Variants in EXOC4 observed in about 807,000 individuals in gnomAD.
EXOC4 encodes the protein exocyst complex component 4, also known as SEC8-like 1.
Under a neutral mutation model 107.2 loss-of-function variants are expected in EXOC4, and 71 were observed. The observed-to-expected ratio is 0.66, with a 90% CI of 0.55 to 0.81. The LOEUF (loss-of-function observed/expected upper bound fraction) is 0.81, where lower values mean the gene tolerates loss of function less well. EXOC4 is among the 30% of genes least tolerant of loss of function. The pLI is 0.00. For synonymous variants in EXOC4, 456 were observed against 441.2 expected, an observed-to-expected ratio of 1.03 and a Z score of -0.42; for missense variants, 1,108 against 1,189.6, an observed-to-expected ratio of 0.93 and a Z score of 1.01.
At chr7:134,030,923 A>G (rs148117931) in intron 17 of EXOC4, among the ~76,000 whole-genome samples, 2,237 of 152,146 alleles carry the variant, frequency 0.015, 31 homozygotes, top group Non-Finnish European at 0.019. Flanking sequence ...TATAACTTTT[A>G]TAACTTTTGC....
intron 13 of EXOC4, among the ~76,000 whole-genome samples, chr7:133,925,504 T>C (rs1388549926): frequency 6.6e-6 from 1 of 152,076 alleles, no homozygotes; most frequent in Non-Finnish European, 1.5e-5. Context: ...ACAGAAGGGA[T>C]AAGGTGTTGG....
intron 14 of EXOC4, among the ~76,000 whole-genome samples, chr7:133,972,379 C>T (rs1801263545): frequency 6.6e-6 from 1 of 151,976 alleles, no homozygotes; most frequent in Non-Finnish European, 1.5e-5. Flanking sequence ...TTTACCAATC[C>T]GTCATCTGAA....
intron 7 of EXOC4, among the ~76,000 whole-genome samples, chr7:133,397,131 T>TTTCTA (rs958153082): frequency 4.0e-5 from 6 of 150,256 alleles, no homozygotes; most frequent in African/African-American, 1.5e-4. Context: ...TTGGTTTTCT[T>TTTCTA]TTCTTTTTTT....
chr7:133,940,251 A>G (rs1422204762), intron 14 of EXOC4, among the ~76,000 whole-genome samples: 1 of 152,254 alleles, frequency 6.6e-6, no homozygotes, highest in African/African-American at 2.4e-5. Flanking sequence ...TGTTTTCAAA[A>G]GGAGAAAGAT....
At chr7:133,679,637 C>A (rs529256124) in intron 10 of EXOC4, among the ~76,000 whole-genome samples, 1 of 152,264 alleles carries the variant, frequency 6.6e-6, no homozygotes, top group East Asian at 1.9e-4. Flanking sequence ...GTGGTTTTAG[C>A]TACACTTGAA....
At chr7:133,953,228 A>T (rs1800733640) in intron 14 of EXOC4, among the ~76,000 whole-genome samples, 1 of 152,190 alleles carries the variant, frequency 6.6e-6, no homozygotes, top group Non-Finnish European at 1.5e-5. Flanking sequence ...TGGGCGGATC[A>T]CTTGAGGTCA....
chr7:133,699,028 T>C (rs1399013502), intron 10 of EXOC4, among the ~76,000 whole-genome samples: 1 of 152,184 alleles, frequency 6.6e-6, no homozygotes, highest in Non-Finnish European at 1.5e-5. Context: ...CAGCATTCAC[T>C]TTTTTTAGAA....
intron 3 of EXOC4, among the ~76,000 whole-genome samples, chr7:133,297,107 AT>A (rs1343875764): frequency 6.6e-6 from 1 of 152,194 alleles, no homozygotes; most frequent in Non-Finnish European, 1.5e-5. Flanking sequence ...TGATACTCAC[AT>A]TTATGTAGAA....
intron 7 of EXOC4, among the ~76,000 whole-genome samples, chr7:133,435,265 G>A (rs960105604): frequency 4.6e-5 from 7 of 152,022 alleles, no homozygotes; most frequent in Non-Finnish European, 8.8e-5. Context: ...ACGTTCCATC[G>A]TGCTGAACCA....
chr7:133,526,975 A>G (rs1800092106), intron 9 of EXOC4, among the ~76,000 whole-genome samples: 1 of 145,342 alleles, frequency 6.9e-6, no homozygotes, highest in South Asian at 2.1e-4. Flanking sequence ...CGTCTCAAAA[A>G]CAAAAACAAA....
At chr7:133,609,916 C>T (rs760982538) in intron 9 of EXOC4, among the ~76,000 whole-genome samples, 10 of 152,154 alleles carry the variant, frequency 6.6e-5, no homozygotes, top group Non-Finnish European at 1.5e-4. Context: ...AAACATTGAC[C>T]AAGACATCAG....
At chr7:133,975,990 G>A (rs1022891227) in intron 14 of EXOC4, among the ~76,000 whole-genome samples, 48 of 152,154 alleles carry the variant, frequency 3.2e-4, no homozygotes, top group Non-Finnish European at 5.3e-4. Context: ...ATGAGGTCAC[G>A]TAGAAGAAGA....
intron 9 of EXOC4, among the ~76,000 whole-genome samples, chr7:133,585,236 G>T (rs1006641883): frequency 6.6e-6 from 1 of 152,118 alleles, no homozygotes. Context: ...GCAAATCCTT[G>T]TGTTATCTGT....
In EXOC4 at chr7:133,437,379, T is replaced by C. The variant is rs1201884776; in HGVS notation, c.1183-37949T>C. Reference sequence around the variant, plus strand: ...TCTGTTCAGAAGAAATGGAAAAGTTTGGTGGCATTCATTTTCTAGCTCATG... The same window carrying C: ...TCTGTTCAGAAGAAATGGAAAAGTTCGGTGGCATTCATTTTCTAGCTCATG... On this transcript the variant is annotated intron_variant, in intron 7 of 17. Transcript: ENST00000253861. Among the ~76,000 whole-genome samples, 4 of 152,284 alleles carry C rather than the reference T, an allele frequency of 2.6e-5. No individual in the cohort carries two copies. In the East Asian group the frequency reaches 7.7e-4, roughly 29 times the overall value.
At chr7:134,089,013 A>G in the EXOC4 span, among the ~76,000 whole-genome samples, 1 of 152,178 alleles carries the variant, frequency 6.6e-6, no homozygotes, top group African/African-American at 2.4e-5. Context: ...TGACCATAAG[A>G]TAAGATTTTC....
At chr7:133,427,136 G>A (rs1797744975) in intron 7 of EXOC4, among the ~76,000 whole-genome samples, 1 of 150,422 alleles carries the variant, frequency 6.6e-6, no homozygotes, top group African/African-American at 2.4e-5. Flanking sequence ...TCATTTTTTT[G>A]CAGTTCATTA....
chr7:133,465,274 C>T (rs536287864), intron 7 of EXOC4, among the ~76,000 whole-genome samples: 3 of 152,254 alleles, frequency 2.0e-5, no homozygotes, highest in African/African-American at 7.2e-5. Context: ...TAGGAATATA[C>T]TTTTGGATGT....
At chr7:133,609,145 A>G (rs1314142073) in intron 9 of EXOC4, among the ~76,000 whole-genome samples, 1 of 152,218 alleles carries the variant, frequency 6.6e-6, no homozygotes, top group Non-Finnish European at 1.5e-5. Context: ...CAATTGGGAT[A>G]TCTGAGTGTG....
At chr7:133,915,459 A>G (rs1398497975) in intron 12 of EXOC4, among the ~76,000 whole-genome samples, 1 of 152,242 alleles carries the variant, frequency 6.6e-6, no homozygotes, top group Non-Finnish European at 1.5e-5. Flanking sequence ...GTATGTAATT[A>G]GATCCCTTCC....
Sources: gnomAD v4.1 joint callset for allele counts (sites outside exome capture counted in the v4.1 genomes callset) on GRCh38, gnomAD v4.1.1 for gene constraint, MANE v1.5 for transcripts, NCBI Gene and HGNC (gene_info 2026-07-23, HGNC 2026-07-21) for gene names.